CDC20B: variants seen among roughly 807,000 people sequenced by gnomAD.
CDC20B encodes cell division cycle 20B.
Under a neutral mutation model 64.1 loss-of-function variants are expected in CDC20B, and 58 were observed. The observed-to-expected ratio is 0.90, with a 90% confidence interval of 0.73 to 1.13. CDC20B has a LOEUF of 1.13. CDC20B is among the 50% of genes most tolerant of loss of function. The probability of loss-of-function intolerance (pLI) is 0.00; values close to 1 mark genes in which losing one functional copy is unlikely to be tolerated. For synonymous variants in CDC20B, 243 were observed against 230.6 expected, an observed-to-expected ratio of 1.05 and a Z score of -0.49; for missense variants, 597 against 633.0, an observed-to-expected ratio of 0.94 and a Z score of 0.61.
chr5:55,153,671 G>A (rs1163799555), intron 2 of CDC20B, among the ~76,000 whole-genome samples: 4 of 152,178 alleles, frequency 2.6e-5, no homozygotes, highest in Non-Finnish European at 5.9e-5. Flanking sequence ...AGCTTGAATG[G>A]AGATTTATTT....
At position 55,146,838 on chromosome 5, in the gene CDC20B, C is replaced by A; in HGVS notation, c.145G>T (p.Ala49Ser). ...TTGCTCTTAAAGTCAGAATACGTAG[C>A]ATTAACTGAATCGAGTACCTGTTTA... ...DSANVLDSVN[A>S]TYSDFKSNFA... The change falls in exon 3 of 12, where the codon GCT becomes TCT. Residue 49 changes from alanine (A) to serine (S), a missense_variant. By Grantham distance (99) the Ala-to-Ser change is moderately conservative. Transcript: ENST00000381375. 1.9e-6 allele frequency: 3 copies of A among 1,614,000 alleles called. No individual in the cohort carries two copies. Among genetic ancestry groups the A allele is most frequent in the Non-Finnish European group, 2.5e-6 (3 of 1,179,946 alleles).
intron 2 of CDC20B, among the ~76,000 whole-genome samples, chr5:55,159,877 G>C (rs894199000): frequency 6.6e-6 from 1 of 152,204 alleles, no homozygotes; most frequent in Non-Finnish European, 1.5e-5. Context: ...GCCCTCCGTA[G>C]CTTTCGAGTT....
chr5:55,137,633 T>C, intron 5 of CDC20B: 1 of 456,626 alleles, frequency 2.2e-6, no homozygotes, highest in Non-Finnish European at 4.4e-6. Flanking sequence ...GCCACTAAAG[T>C]GATCTATGGG....
At chr5:55,143,468 A>T in intron 4 of CDC20B, 45 bp downstream of exon 4, 1 of 1,519,480 alleles carries the variant, frequency 6.6e-7, no homozygotes. Context: ...AAGTTGTCTC[A>T]GCTTCTCTAG....
intron 2 of CDC20B, among the ~76,000 whole-genome samples, chr5:55,152,803 A>T (rs1303845307): frequency 6.6e-6 from 1 of 152,174 alleles, no homozygotes; most frequent in Non-Finnish European, 1.5e-5. Context: ...TATCCTCGGG[A>T]CATTGGTATC....
intron 2 of CDC20B, among the ~76,000 whole-genome samples, chr5:55,167,791 G>A (rs1744463942): frequency 6.6e-6 from 1 of 152,076 alleles, no homozygotes; most frequent in Non-Finnish European, 1.5e-5. Flanking sequence ...TGAGCCCAAA[G>A]AGGTCAAGGC....
In CDC20B at chr5:55,113,915, G is replaced by A. The variant is rs1246668458; in HGVS notation, c.*303C>T. 8.1e-6 allele frequency: 2 copies of A among 245,774 alleles called. No individual in the cohort carries two copies. Among genetic ancestry groups the A allele is most frequent in the African/African-American group, 2.3e-5 (1 of 44,096 alleles). 15.2% of individuals were successfully genotyped at this position (245,774 alleles called of 1,614,324 possible). ...ATACGGGAAAGAAGTAGAAATCTTT[G>A]CTATAGATGTTATTCTGAATAAAGT... On this transcript the variant is annotated 3_prime_UTR_variant, in exon 12 of 12. Transcript: ENST00000381375.
At chr5:55,165,044 G>A (rs1247731329) in intron 2 of CDC20B, 1 of 152,094 alleles carries the variant, frequency 6.6e-6, no homozygotes, top group Non-Finnish European at 1.5e-5. Flanking sequence ...ATGAGTATAA[G>A]ATCATTTAAC....
chr5:55,114,202 C>T lies in CDC20B; in HGVS notation c.*16G>A. On this transcript the variant is annotated 3_prime_UTR_variant, in exon 12 of 12. Coordinates refer to ENST00000381375, the MANE Select transcript of CDC20B (RefSeq NM_001170402.1). The surrounding 1 kb of genome is among the most constrained non-coding windows in gnomAD (Gnocchi z 4.1). ...CACTCAGAAATAAGGAAACTGAAAC[C>T]TAGAGGGGCTGGGTGCTAGTAGCAA... The T allele has an allele frequency of 6.2e-7, 1 of 1,610,840 alleles. No individual in the cohort carries two copies. Among genetic ancestry groups the T allele is most frequent in the Non-Finnish European group, 8.5e-7 (1 of 1,178,498 alleles).
At chr5:55,138,074 T>A (rs1349681706) in intron 5 of CDC20B, among the ~76,000 whole-genome samples, 2 of 151,834 alleles carry the variant, frequency 1.3e-5, no homozygotes, top group African/African-American at 4.8e-5. Flanking sequence ...AACCAGATGT[T>A]TATTCTCTGG....
At chr5:55,138,818 T>C (rs1299322200) in intron 5 of CDC20B, among the ~76,000 whole-genome samples, 2 of 150,190 alleles carry the variant, frequency 1.3e-5, no homozygotes, top group Admixed American at 6.6e-5. Flanking sequence ...CATAGCGAGG[T>C]TGGTGAACAG....
chr5:55,113,551 C>T lies in CDC20B; in HGVS notation c.*667G>A, dbSNP rs1742555000. 1 of 152,540 alleles carries T rather than the reference C, an allele frequency of 6.6e-6. No individual in the cohort carries two copies. Among genetic ancestry groups the T allele is most frequent in the Non-Finnish European group, 1.5e-5 (1 of 68,384 alleles). 9.4% of individuals were successfully genotyped at this position (152,540 alleles called of 1,614,324 possible). On this transcript the variant is annotated 3_prime_UTR_variant, in exon 12 of 12. Transcript: ENST00000381375. ...CAATTACAGCAGACTGGCTGTCAGG[C>T]ACACAGGATGTGACTAGGTGAAGCA...
At position 55,158,906 on chromosome 5, in the gene CDC20B, T is replaced by C. The variant is rs111635857; in HGVS notation, c.127-12050A>G. ...GAAGCAATTAGATGACGTGCCCAAG[T>C]AGAGGTGGGTTTTGCAGGGTTTGTT... On this transcript the variant is annotated intron_variant, in intron 2 of 11. Transcript: ENST00000381375. Among the ~76,000 whole-genome samples, 1,264 of 152,258 alleles carry C rather than the reference T, an allele frequency of 8.3e-3. 16 individuals are homozygous for C. The highest frequency in any genetic ancestry group is 0.029 in the African/African-American group (1,187 of 41,542).
At chr5:55,146,339 G>C (rs1406025668) in intron 3 of CDC20B, among the ~76,000 whole-genome samples, 1 of 152,168 alleles carries the variant, frequency 6.6e-6, no homozygotes, top group African/African-American at 2.4e-5. Flanking sequence ...CCCCCACATG[G>C]AGTGGCTCTC....
chr5:55,143,743 A>T, intron 3 of CDC20B, 100 bp from the exon 4 acceptor site: 2 of 1,216,652 alleles, frequency 1.6e-6, no homozygotes, highest in Non-Finnish European at 2.3e-6. Context: ...GGACAGAGTG[A>T]AAAAGCCCAG....
intron 11 of CDC20B, among the ~76,000 whole-genome samples, chr5:55,115,713 G>A (rs972579729): frequency 2.0e-5 from 3 of 152,192 alleles, no homozygotes; most frequent in Admixed American, 6.5e-5. Context: ...ACTCAATTGA[G>A]AGCTGGAATT....
intron 2 of CDC20B, among the ~76,000 whole-genome samples, chr5:55,155,873 C>A (rs956919015): frequency 6.6e-6 from 1 of 152,158 alleles, no homozygotes; most frequent in Admixed American, 6.5e-5. Context: ...CACAGAAAAG[C>A]CTTTTGGTGG....
At chr5:55,135,367 C>T (rs1168308481) in intron 5 of CDC20B, among the ~76,000 whole-genome samples, 1 of 151,730 alleles carries the variant, frequency 6.6e-6, no homozygotes, top group African/African-American at 2.4e-5. Context: ...ATACTCAGCA[C>T]CTTACAGAAA....
At chr5:55,138,707 T>TCC (rs1743249724) in intron 5 of CDC20B, among the ~76,000 whole-genome samples, 1 of 148,514 alleles carries the variant, frequency 6.7e-6, no homozygotes, top group African/African-American at 2.5e-5. Flanking sequence ...AGATAGTATA[T>TCC]CCATGAAGCA....
Sources: allele counts gnomAD v4.1 joint callset (sites outside exome capture counted in the v4.1 genomes callset), GRCh38; gene constraint gnomAD v4.1.1; non-coding constraint Gnocchi (gnomAD v3.1); transcripts MANE v1.5; gene names NCBI Gene and HGNC (gene_info 2026-07-23, HGNC 2026-07-21).